Variants in AFF3 observed in about 807,000 individuals in gnomAD.
The protein encoded by AFF3 is ALF transcription elongation factor 3, also known as AF4/FMR2 family member 3.
In AFF3, 32 loss-of-function variants were observed where a neutral mutation model predicts 129.7. That is an observed-to-expected ratio of 0.25 (90% CI 0.19 to 0.33). AFF3 has a LOEUF of 0.33. Ranked by LOEUF, AFF3 falls within the 10% of genes least tolerant of loss-of-function variation. The probability of loss-of-function intolerance (pLI) is 1.00; values close to 1 mark genes in which losing one functional copy is unlikely to be tolerated. For synonymous variants in AFF3, 644 were observed against 635.4 expected, an observed-to-expected ratio of 1.01 and a Z score of -0.20; for missense variants, 1,373 against 1,592.0, an observed-to-expected ratio of 0.86 and a Z score of 2.34.
At chr2:99,968,316 G>C (rs575739384) in intron 7 of AFF3, among the ~76,000 whole-genome samples, 2 of 152,216 alleles carry the variant, frequency 1.3e-5, no homozygotes, top group South Asian at 4.2e-4. Flanking sequence ...TTGCCCTTAA[G>C]TGGATTCTAT....
intron 13 of AFF3, among the ~76,000 whole-genome samples, chr2:99,624,152 T>C (rs1033206983): frequency 2.0e-5 from 3 of 152,084 alleles, no homozygotes; most frequent in Non-Finnish European, 4.4e-5. Flanking sequence ...CTGGGGATTG[T>C]TGCCTTCTGA....
chr2:100,051,557 T>C (rs138345458), intron 4 of AFF3, among the ~76,000 whole-genome samples: 1 of 152,344 alleles, frequency 6.6e-6, no homozygotes, highest in African/African-American at 2.4e-5. Flanking sequence ...CAGGAGCATC[T>C]TGCTAGTCCC....
chr2:100,035,278 C>T (rs902124164), intron 4 of AFF3, among the ~76,000 whole-genome samples: 1 of 152,192 alleles, frequency 6.6e-6, no homozygotes, highest in Non-Finnish European at 1.5e-5. Flanking sequence ...GTATTAGCAT[C>T]CTACATGGAG....
chr2:99,568,710 A>T, intron 19 of AFF3, 142 bp downstream of exon 19: 2 of 773,560 alleles, frequency 2.6e-6, no homozygotes, highest in Non-Finnish European at 4.3e-6. Context: ...TGAACATTTG[A>T]TTATATAAAC....
intron 20 of AFF3, among the ~76,000 whole-genome samples, chr2:99,562,782 T>G (rs1429977777): frequency 6.6e-6 from 1 of 152,196 alleles, no homozygotes; most frequent in Non-Finnish European, 1.5e-5. Flanking sequence ...AGCCACCCTG[T>G]TTAGGTCTAG....
intron 8 of AFF3, among the ~76,000 whole-genome samples, chr2:99,761,826 T>C (rs1043902594): frequency 1.3e-5 from 2 of 152,190 alleles, no homozygotes; most frequent in Admixed American, 1.3e-4. Flanking sequence ...GTCACCTTTG[T>C]TCCAAAGTTT....
intron 7 of AFF3, among the ~76,000 whole-genome samples, chr2:99,946,264 G>C (rs2106362933): frequency 6.6e-6 from 1 of 151,886 alleles, no homozygotes; most frequent in East Asian, 1.9e-4. Flanking sequence ...TTTGAGGTCA[G>C]GAGTTTGAAA....
chr2:99,877,914 T>C (rs1692419572), intron 7 of AFF3, among the ~76,000 whole-genome samples: 1 of 152,104 alleles, frequency 6.6e-6, no homozygotes, highest in African/African-American at 2.4e-5. Context: ...TAGTAAGAAG[T>C]ACTGAAGGCA....
intron 11 of AFF3, among the ~76,000 whole-genome samples, chr2:99,703,806 T>C (rs998024607): frequency 6.6e-6 from 1 of 152,208 alleles, no homozygotes; most frequent in African/African-American, 2.4e-5. Context: ...AGCAATGCTT[T>C]TGCCTTGGCC....
chr2:99,724,380 C>G (rs905663517), intron 11 of AFF3, among the ~76,000 whole-genome samples: 9 of 146,762 alleles, frequency 6.1e-5, no homozygotes, highest in Non-Finnish European at 1.0e-4. Context: ...TCAAGCAATT[C>G]TCCTGCCTCA....
At position 99,839,086 on chromosome 2, in the gene AFF3, A is replaced by T. The variant is rs78608745; in HGVS notation, c.874-1562T>A. 3.3e-5 allele frequency among the ~76,000 whole-genome samples: 5 copies of T among 152,282 alleles called. No homozygotes were observed. The East Asian group carries it at 9.6e-4, about 29-fold the overall frequency. ...TTACACAACTTGCCGAAGGCCACAC[A>T]GAGTTACCATATGGTAATCTCTGTT... is the stretch of plus-strand genomic sequence containing the variant. On this transcript the variant is annotated intron_variant, in intron 7 of 24. Coordinates refer to ENST00000672756, the MANE Select transcript of AFF3 (RefSeq NM_001386135.1).
Position 100,068,856 on chromosome 2 carries a change from T to C in AFF3, c.53+35546A>G, listed in dbSNP as rs1387475791. 7.2e-5 allele frequency among the ~76,000 whole-genome samples: 11 copies of C among 152,216 alleles called. No homozygotes were observed. In the East Asian group the frequency reaches 1.7e-3, roughly 24 times the overall value. ...TTTTCAAGGTCCCCATGACAGTCAC[T>C]TCCAGACTATGAGGTGGAGAGTCAC... On this transcript the variant is annotated intron_variant, in intron 4 of 24. Coordinates refer to ENST00000672756, the MANE Select transcript of AFF3 (RefSeq NM_001386135.1).
At chr2:99,635,500 C>T (rs1315291503) in intron 13 of AFF3, among the ~76,000 whole-genome samples, 1 of 152,078 alleles carries the variant, frequency 6.6e-6, no homozygotes, top group Admixed American at 6.5e-5. Context: ...TGAGGTCTTG[C>T]CATGGCACCC....
chr2:100,090,822 G>A (rs528900391), intron 4 of AFF3, among the ~76,000 whole-genome samples: 26 of 152,200 alleles, frequency 1.7e-4, no homozygotes, highest in East Asian at 5.8e-4. Flanking sequence ...GATTACAGGC[G>A]TCCACCACCA....
At chr2:100,130,744 G>T (rs75533552) in intron 1 of AFF3, among the ~76,000 whole-genome samples, 2 of 152,156 alleles carry the variant, frequency 1.3e-5, no homozygotes, top group East Asian at 3.9e-4. Context: ...GGCTGCCATC[G>T]CAGGTCCCTG....
chr2:100,024,516 G>A (rs1232224781), intron 4 of AFF3, among the ~76,000 whole-genome samples: 2 of 151,666 alleles, frequency 1.3e-5, no homozygotes, highest in African/African-American at 4.8e-5. Flanking sequence ...TCTGAGGCAG[G>A]AGAATTGCCT....
intron 7 of AFF3, among the ~76,000 whole-genome samples, chr2:99,971,422 C>A (rs1175219895): frequency 1.3e-5 from 2 of 152,184 alleles, no homozygotes; most frequent in East Asian, 1.9e-4. Context: ...AGGAAAATAT[C>A]CAAACTCTTC....
chr2:99,769,963 C>G (rs1000532605), intron 8 of AFF3, among the ~76,000 whole-genome samples: 5 of 152,184 alleles, frequency 3.3e-5, no homozygotes, highest in Admixed American at 1.3e-4. Context: ...CAGCACAACA[C>G]TAAGTCTTAC....
intron 2 of AFF3, chr2:100,106,244 A>G (rs1182860524): frequency 1.7e-6 from 2 of 1,179,056 alleles, no homozygotes; most frequent in African/African-American, 3.2e-5. Flanking sequence ...AGTTGGCATC[A>G]ACATAGTCTG....
Sources: allele counts gnomAD v4.1 joint callset (sites outside exome capture counted in the v4.1 genomes callset), GRCh38; gene constraint gnomAD v4.1.1; transcripts MANE v1.5; gene names NCBI Gene and HGNC (gene_info 2026-07-23, HGNC 2026-07-21).